Variants in MACROD2 observed in about 807,000 individuals in gnomAD.
MACROD2 encodes ADP-ribose glycohydrolase MACROD2.
MACROD2 carries 36 observed loss-of-function variants against 70.4 expected under a neutral mutation model. That is an observed-to-expected ratio of 0.51 (90% CI 0.39 to 0.68). The LOEUF (loss-of-function observed/expected upper bound fraction) is 0.68, where lower values mean the gene tolerates loss of function less well. MACROD2 is among the 30% of genes least tolerant of loss of function. The pLI, the probability that MACROD2 is intolerant of heterozygous loss-of-function variation, is 0.00. For synonymous variants in MACROD2, 172 were observed against 178.8 expected (o/e 0.96, Z 0.30); for missense variants, 496 against 538.4 (o/e 0.92, Z 0.78).
chr20:15,073,064 C>T (rs1026006828), intron 5 of MACROD2, among the ~76,000 whole-genome samples: 1 of 152,034 alleles, frequency 6.6e-6, no homozygotes, highest in African/African-American at 2.4e-5. Flanking sequence ...AGGCCTCTAC[C>T]AGAAGCTAGC....
intron 3 of MACROD2, among the ~76,000 whole-genome samples, chr20:14,171,923 G>A (rs2081224051): frequency 6.6e-6 from 1 of 152,184 alleles, no homozygotes; most frequent in African/African-American, 2.4e-5. Context: ...GTCTAGTGCT[G>A]TCAGTAGAGT....
intron 8 of MACROD2, among the ~76,000 whole-genome samples, chr20:15,844,120 A>C (rs1377063637): frequency 1.3e-5 from 2 of 152,206 alleles, no homozygotes; most frequent in Non-Finnish European, 2.9e-5. Context: ...GCAGAAACCT[A>C]GAACATGTAA....
chr20:15,638,007 G>A (rs965330462), intron 8 of MACROD2, among the ~76,000 whole-genome samples: 12 of 152,028 alleles, frequency 7.9e-5, no homozygotes, highest in Admixed American at 2.0e-4. Flanking sequence ...CCTTTAGTGA[G>A]AGAAAATGAC....
chr20:14,938,753 C>A (rs934422346), intron 5 of MACROD2, among the ~76,000 whole-genome samples: 13 of 151,906 alleles, frequency 8.6e-5, no homozygotes, highest in Non-Finnish European at 1.8e-4. Flanking sequence ...TGCACTCCAG[C>A]GTGGGTGACT....
At chr20:15,066,848 C>G (rs1367377801) in intron 5 of MACROD2, among the ~76,000 whole-genome samples, 1 of 150,910 alleles carries the variant, frequency 6.6e-6, no homozygotes, top group East Asian at 1.9e-4. Flanking sequence ...CACCACTGCA[C>G]TCCATCCTGG....
chr20:14,182,913 C>T (rs1268350269), intron 3 of MACROD2, among the ~76,000 whole-genome samples: 1 of 151,712 alleles, frequency 6.6e-6, no homozygotes, highest in Admixed American at 6.6e-5. Context: ...ACTTTTCTAG[C>T]TAGATCAGCT....
chr20:15,325,372 C>G (rs1444113110), intron 6 of MACROD2, among the ~76,000 whole-genome samples: 1 of 152,172 alleles, frequency 6.6e-6, no homozygotes, highest in Non-Finnish European at 1.5e-5. Context: ...TGAAACACAT[C>G]TGTGTTTGTT....
rs1568535022 is a variant in MACROD2, at chr20:15,021,257, C to CAT, written c.419-208682_419-208681insTA. Among the ~76,000 whole-genome samples, 123 of 119,874 alleles carry CAT rather than the reference C, an allele frequency of 1.0e-3. 3 individuals are homozygous for CAT. The highest frequency in any genetic ancestry group is 1.4e-3 in the South Asian group (4 of 2,924). 78.6% of individuals were successfully genotyped at this position (119,874 alleles called of 152,430 possible). The stretch of plus-strand genomic sequence containing the variant: ...ACACACACCTGTGTGTATGTATACA[C>CAT]ACACCTGTGTGTGTGTATACGCACA... On this transcript the variant is annotated intron_variant, in intron 5 of 17. Coordinates refer to ENST00000684519, the MANE Select transcript of MACROD2 (RefSeq NM_001351661.2).
chr20:14,673,142 A>G (rs1424630335), intron 4 of MACROD2, among the ~76,000 whole-genome samples: 1 of 152,170 alleles, frequency 6.6e-6, no homozygotes, highest in Non-Finnish European at 1.5e-5. Flanking sequence ...TTCAATGCAG[A>G]CTTTTAAGGG....
chr20:15,764,260 T>A (rs1258304009), intron 8 of MACROD2, among the ~76,000 whole-genome samples: 6 of 152,248 alleles, frequency 3.9e-5, no homozygotes, highest in Admixed American at 6.5e-5. Context: ...TATTTTTTTC[T>A]GTTATATTGA....
At chr20:14,406,255 G>A (rs1003780284) in intron 3 of MACROD2, among the ~76,000 whole-genome samples, 3 of 152,122 alleles carry the variant, frequency 2.0e-5, no homozygotes, top group African/African-American at 7.2e-5. Context: ...AGCAGTAAAA[G>A]TTCTGTAGGT....
chr20:14,079,924 C>A (rs1417488593), intron 2 of MACROD2, among the ~76,000 whole-genome samples: 4 of 152,090 alleles, frequency 2.6e-5, no homozygotes, highest in African/African-American at 7.2e-5. Context: ...TACCCCCAGT[C>A]TGTGGAAAAA....
intron 5 of MACROD2, among the ~76,000 whole-genome samples, chr20:14,846,580 C>T (rs1013012101): frequency 2.0e-5 from 3 of 151,398 alleles, no homozygotes; most frequent in East Asian, 1.9e-4. Context: ...TACAGTGGCA[C>T]GATCTCAGCT....
At chr20:15,615,225 A>G (rs1600669944) in intron 8 of MACROD2, among the ~76,000 whole-genome samples, 1 of 152,168 alleles carries the variant, frequency 6.6e-6, no homozygotes, top group East Asian at 1.9e-4. Flanking sequence ...TTGAAGAAGG[A>G]GTGTAAGATC....
intron 3 of MACROD2, among the ~76,000 whole-genome samples, chr20:14,166,832 A>G (rs2055276180): frequency 6.6e-6 from 1 of 152,178 alleles, no homozygotes; most frequent in Admixed American, 6.5e-5. Context: ...ATAGCTACTT[A>G]ACTTTTCTTC....
At chr20:14,716,928 G>A (rs2071403361) in intron 5 of MACROD2, among the ~76,000 whole-genome samples, 1 of 151,944 alleles carries the variant, frequency 6.6e-6, no homozygotes, top group South Asian at 2.1e-4. Flanking sequence ...TTTTCATTTT[G>A]CTTTCTGAAA....
intron 8 of MACROD2, among the ~76,000 whole-genome samples, chr20:15,733,615 G>A (rs1344539207): frequency 5.9e-5 from 9 of 151,868 alleles, no homozygotes; most frequent in South Asian, 2.1e-4. Context: ...ATTCATTGAC[G>A]TAGACTTAAC....
chr20:15,780,196 T>C (rs1182637054), intron 8 of MACROD2, among the ~76,000 whole-genome samples: 1 of 152,128 alleles, frequency 6.6e-6, no homozygotes, highest in African/African-American at 2.4e-5. Context: ...TATAGTTTAG[T>C]GGGAAAGACA....
At chr20:14,942,151 T>G (rs942954224) in intron 5 of MACROD2, among the ~76,000 whole-genome samples, 3 of 152,072 alleles carry the variant, frequency 2.0e-5, no homozygotes, top group African/African-American at 7.2e-5. Context: ...TTTCTTGCTT[T>G]TAAAACCTGC....
Sources: gnomAD v4.1 joint callset for allele counts (sites outside exome capture counted in the v4.1 genomes callset) on GRCh38, gnomAD v4.1.1 for gene constraint, MANE v1.5 for transcripts, NCBI Gene and HGNC (gene_info 2026-07-23, HGNC 2026-07-21) for gene names.